The following SNPH variants were observed in gnomAD, a reference collection of about 807,000 sequenced individuals.
SNPH encodes syntaphilin.
A neutral mutation model predicts 36.8 loss-of-function variants in SNPH; 10 were observed. The ratio of observed to expected loss-of-function variants is 0.27; its 90% confidence interval spans 0.17 to 0.46. SNPH has a LOEUF of 0.46. Ranked by LOEUF, SNPH falls within the 20% of genes least tolerant of loss-of-function variation. The probability of loss-of-function intolerance (pLI) is 1.00; values close to 1 mark genes in which losing one functional copy is unlikely to be tolerated. For missense variants in SNPH, 622 were observed against 744.0 expected (o/e 0.84, Z 1.91); for synonymous variants, 281 against 312.2 (o/e 0.90, Z 1.05).
intron 4 of SNPH, 98 bp from the exon 5 acceptor site, chr20:1,297,047 G>A (rs571546198): frequency 5.7e-5 from 84 of 1,482,144 alleles, no homozygotes; most frequent in Non-Finnish European, 7.1e-5. Context: ...ACCCCAAAGC[G>A]GGGGCACTTT....
chr20:1,287,644 C>A (rs1051777595), intron 2 of SNPH, among the ~76,000 whole-genome samples: 1 of 152,134 alleles, frequency 6.6e-6, no homozygotes, highest in African/African-American at 2.4e-5. Context: ...CTGTTGGTAC[C>A]TGGGGTAAAT....
rs1200145423 is a variant in SNPH, at chr20:1,290,589, A to G, written c.-492-4362A>G. On this transcript the variant is annotated intron_variant, in intron 2 of 6. Transcript: ENST00000381867. ...TCACATTTTGTTTATCCATTCTTCT[A>G]TTGGTGGACATTTGGGTTATTTCCA... Among the ~76,000 whole-genome samples the G allele has an allele frequency of 3.3e-5, 5 of 152,334 alleles. No individual in the cohort carries two copies. In the East Asian group the frequency reaches 9.6e-4, roughly 29 times the overall value.
chr20:1,282,259 A>G (rs1335803429), intron 2 of SNPH, among the ~76,000 whole-genome samples: 2 of 152,260 alleles, frequency 1.3e-5, no homozygotes, highest in African/African-American at 4.8e-5. Context: ...ATATAGGAAA[A>G]TAATTATTCA....
At chr20:1,281,600 A>G (rs1006375161) in intron 2 of SNPH, among the ~76,000 whole-genome samples, 2 of 152,252 alleles carry the variant, frequency 1.3e-5, no homozygotes, top group East Asian at 3.9e-4. Flanking sequence ...CTATTCCTGC[A>G]CAGAATGTGG....
chr20:1,278,460 A>T (rs2088178930), intron 2 of SNPH, among the ~76,000 whole-genome samples: 1 of 152,142 alleles, frequency 6.6e-6, no homozygotes, highest in African/African-American at 2.4e-5. Flanking sequence ...TACTGATGAA[A>T]CCATCACCAC....
chr20:1,289,552 CACACAA>C (rs1288316491), intron 2 of SNPH, among the ~76,000 whole-genome samples: 163 of 115,628 alleles, frequency 1.4e-3, no homozygotes, highest in African/African-American at 4.9e-3. Flanking sequence ...CACACACACA[CACACAA>C]TGGAGTCAGG....
rs1162325274 is a variant in SNPH at position 1,279,618 on chromosome 20, C to CT, written c.-493+12877dup. 9.1e-3 allele frequency among the ~76,000 whole-genome samples: 1,123 copies of CT among 123,074 alleles called. 10 individuals carry two copies. The highest frequency in any genetic ancestry group is 0.05 in the East Asian group (223 of 4,476). The allele number at this position is 123,074 out of a possible 152,430, so 80.7% of individuals were successfully genotyped here. A position where few individuals can be genotyped will look rare whatever the true frequency, so the allele number is the denominator to read the frequency against. ...CTGGTTTCCTGAGAGACTCCGGCTTCTTTTTTTTTTTTTTTTTTTGAGACA... is the reference window on the plus strand; with the variant it reads ...CTGGTTTCCTGAGAGACTCCGGCTTCTTTTTTTTTTTTTTTTTTTTGAGACA... On this transcript the variant is annotated intron_variant, in intron 2 of 6. Coordinates refer to ENST00000381867, the MANE Select transcript of SNPH (RefSeq NM_001318234.2).
chr20:1,288,514 C>T (rs187428801), intron 2 of SNPH, among the ~76,000 whole-genome samples: 29 of 152,228 alleles, frequency 1.9e-4, no homozygotes, highest in Admixed American at 1.0e-3. Flanking sequence ...GAGGAAAGAG[C>T]AGTGCTCCTC....
intron 2 of SNPH, among the ~76,000 whole-genome samples, chr20:1,288,487 C>T (rs764311521): frequency 1.3e-4 from 20 of 152,126 alleles, no homozygotes; most frequent in Middle Eastern, 3.4e-3. Context: ...CTGGGTGGGA[C>T]GCAGCAGTTG....
intron 2 of SNPH, among the ~76,000 whole-genome samples, chr20:1,278,218 TTGTG>T (rs1203333024): frequency 3.3e-5 from 5 of 149,674 alleles, no homozygotes; most frequent in Admixed American, 6.7e-5. Flanking sequence ...GTGTGTGTGT[TTGTG>T]TGTCAGTGTC....
intron 2 of SNPH, among the ~76,000 whole-genome samples, chr20:1,284,012 A>C (rs2088255797): frequency 6.6e-6 from 1 of 152,160 alleles, no homozygotes. Flanking sequence ...CTTCGTTGTC[A>C]TGGCAGTGAT....
intron 2 of SNPH, among the ~76,000 whole-genome samples, chr20:1,271,741 G>A (rs2088075772): frequency 6.6e-6 from 1 of 152,222 alleles, no homozygotes; most frequent in South Asian, 2.1e-4. Flanking sequence ...TGGAGGGAGA[G>A]GGGTTGGGAA....
At chr20:1,293,099 A>AAC (rs1179534787) in intron 2 of SNPH, among the ~76,000 whole-genome samples, 18 of 152,360 alleles carry the variant, frequency 1.2e-4, no homozygotes, top group Non-Finnish European at 1.9e-4. Context: ...TATTACAGAT[A>AAC]TGGGCAGTGA....
chr20:1,306,373 A>T lies in SNPH; in HGVS notation c.*319A>T. 3.7e-6 allele frequency: 1 copy of T among 269,710 alleles called. No individual in the cohort carries two copies. Among genetic ancestry groups the T allele is most frequent in the Non-Finnish European group, 6.9e-6 (1 of 145,624 alleles). The allele number at this position is 269,710 out of a possible 1,614,324, so 16.7% of individuals were successfully genotyped here. Reference sequence around the variant, plus strand: ...TCTTCAGACAGGGCCAGCCCTGCTCAGGAAGTCTCTGGCTGTCTTCATGTG... The same window carrying T: ...TCTTCAGACAGGGCCAGCCCTGCTCTGGAAGTCTCTGGCTGTCTTCATGTG... On this transcript the variant is annotated 3_prime_UTR_variant, in exon 7 of 7. Transcript: ENST00000381867.
chr20:1,273,293 A>G (rs2088093534), intron 2 of SNPH, among the ~76,000 whole-genome samples: 1 of 152,212 alleles, frequency 6.6e-6, no homozygotes, highest in Non-Finnish European at 1.5e-5. Flanking sequence ...AAACCCTACC[A>G]CGGTTTCAGG....
chr20:1,300,635 C>T lies in SNPH; in HGVS notation c.364C>T (p.Pro122Ser). 1 of 1,613,582 alleles carries T rather than the reference C, an allele frequency of 6.2e-7. No homozygotes were observed. The highest frequency in any genetic ancestry group is 8.5e-7 in the Non-Finnish European group (1 of 1,179,984). The change falls in exon 6 of 7, where the codon CCC (proline) becomes TCC (serine). Residue 122 changes from proline (P) to serine (S), a missense_variant. Transcript: ENST00000381867. ...CCCGACCCCGGAGCAGTACCTGACC[C>T]CCCTGCAGCAGAAGGAGGTGTGCAT... ...KPPTPEQYLTPLQQKEVCIRH... is the reference protein window; with the variant it reads ...KPPTPEQYLTSLQQKEVCIRH...
At chr20:1,302,681 CTA>C (rs2088517633) in intron 6 of SNPH, among the ~76,000 whole-genome samples, 1 of 152,372 alleles carries the variant, frequency 6.6e-6, no homozygotes, top group South Asian at 2.1e-4. Flanking sequence ...TTTTCTGTCT[CTA>C]TGGATTTGTC....
chr20:1,284,974 G>T (rs2088267957), intron 2 of SNPH, among the ~76,000 whole-genome samples: 1 of 152,198 alleles, frequency 6.6e-6, no homozygotes, highest in African/African-American at 2.4e-5. Context: ...CATCATCCAG[G>T]AGAGAGATGG....
At chr20:1,287,593 T>C (rs778860325) in intron 2 of SNPH, among the ~76,000 whole-genome samples, 7 of 152,212 alleles carry the variant, frequency 4.6e-5, no homozygotes, top group Non-Finnish European at 1.0e-4. Flanking sequence ...TGAGGTCTAC[T>C]CCAGATCCTT....
Sources: gnomAD v4.1 joint callset for allele counts (sites outside exome capture counted in the v4.1 genomes callset) on GRCh38, gnomAD v4.1.1 for gene constraint, MANE v1.5 for transcripts, NCBI Gene and HGNC (gene_info 2026-07-23, HGNC 2026-07-21) for gene names.